LMX1B: variants seen among roughly 807,000 people sequenced by gnomAD.
LMX1B encodes the protein LIM homeobox transcription factor 1 beta, also known as LIM homeobox transcription factor 1-beta.
In LMX1B, 12 loss-of-function variants were observed where a neutral mutation model predicts 51.4. The ratio of observed to expected loss-of-function variants is 0.23; its 90% CI spans 0.15 to 0.38. The LOEUF is 0.38. Ranked by LOEUF, LMX1B falls within the 10% of genes least tolerant of loss-of-function variation. The pLI, the probability that LMX1B is intolerant of heterozygous loss-of-function variation, is 1.00. For missense variants in LMX1B, 445 were observed against 571.1 expected (o/e 0.78, Z 2.25); for synonymous variants, 237 against 235.4 (o/e 1.01, Z -0.06).
intron 2 of LMX1B, among the ~76,000 whole-genome samples, chr9:126,630,079 G>A (rs997535150): frequency 2.7e-5 from 4 of 150,346 alleles, no homozygotes; most frequent in Non-Finnish European, 4.4e-5. Context: ...GGAGAATGGC[G>A]TGAACCCGGG....
At position 126,618,489 on chromosome 9, in the gene LMX1B, A is replaced by C. The variant is rs1051391204; in HGVS notation, c.326+2920A>C. 3.9e-5 allele frequency among the ~76,000 whole-genome samples: 6 copies of C among 152,162 alleles called. No homozygotes were observed. The highest frequency in any genetic ancestry group is 1.4e-4 in the African/African-American group (6 of 41,434). ...TTGGGCATTTTCACTCTTAACTCCA[A>C]AAGTCTCCTTTTTCCCCATGTGTGA... On this transcript the variant is annotated intron_variant, in intron 2 of 7. Coordinates refer to ENST00000373474, the MANE Select transcript of LMX1B (RefSeq NM_001174147.2). This position sits in a 1 kb window ranked among gnomAD's most constrained non-coding sequence, Gnocchi z 4.5.
chr9:126,696,313 T>C lies in LMX1B; in HGVS notation c.1071T>C (p.His357=), dbSNP rs1335550993. 1.2e-6 allele frequency: 2 copies of C among 1,613,908 alleles called. No individual in the cohort carries two copies. The highest frequency in any genetic ancestry group is 8.5e-7 in the Non-Finnish European group (1 of 1,179,958). ...MNPYGNDSIF[H]DIDSDTSLTS... is the part of the protein sequence containing the mutation. ...CCCCAGGGAACGACTCCATCTTCCA[T>C]GACATCGACAGCGATACCTCCTTAA... The change falls in exon 8 of 8, where the codon CAT becomes CAC. Residue 357 remains histidine, a synonymous_variant. Coordinates refer to ENST00000373474, the MANE Select transcript of LMX1B (RefSeq NM_001174147.2).
At chr9:126,678,518 C>A (rs1453892368) in intron 2 of LMX1B, among the ~76,000 whole-genome samples, 3 of 152,192 alleles carry the variant, frequency 2.0e-5, no homozygotes, top group Non-Finnish European at 4.4e-5. Flanking sequence ...ATGCTTTTTA[C>A]CCTGAGCATG....
intron 2 of LMX1B, among the ~76,000 whole-genome samples, chr9:126,631,050 G>A (rs1046616983): frequency 6.6e-6 from 1 of 152,232 alleles, no homozygotes; most frequent in East Asian, 1.9e-4. Context: ...GGTTCTAGTC[G>A]GCAGGCCTGG....
At chr9:126,691,235 G>A (rs2030119118) in intron 3 of LMX1B, among the ~76,000 whole-genome samples, 167 bp downstream of exon 3, 1 of 152,144 alleles carries the variant, frequency 6.6e-6, no homozygotes, top group Non-Finnish European at 1.5e-5. Context: ...GTCCACCTGT[G>A]TGCACATGAT....
At chr9:126,635,889 G>A (rs1027005996) in intron 2 of LMX1B, among the ~76,000 whole-genome samples, 5 of 152,214 alleles carry the variant, frequency 3.3e-5, no homozygotes, top group African/African-American at 1.2e-4. Context: ...CTTGCAGGCT[G>A]AGCCAGAACC....
chr9:126,696,031 C>T, intron 7 of LMX1B, 28 bp downstream of exon 7: 1 of 1,489,606 alleles, frequency 6.7e-7, no homozygotes, highest in Non-Finnish European at 8.9e-7. Flanking sequence ...CACCCGCCCG[C>T]CCCAGCACAG....
intron 2 of LMX1B, among the ~76,000 whole-genome samples, chr9:126,683,424 C>T (rs756481724): frequency 7.9e-5 from 12 of 152,196 alleles, no homozygotes; most frequent in Admixed American, 2.0e-4. Context: ...ATGATAAGGA[C>T]GCGGCAGGCA....
chr9:126,614,993 G>A (rs777999002), intron 1 of LMX1B, among the ~76,000 whole-genome samples: 27 of 152,252 alleles, frequency 1.8e-4, no homozygotes, highest in Admixed American at 1.2e-3. Flanking sequence ...GGGAGATCGG[G>A]GATAGAAGAC....
chr9:126,696,016 A>ACCGGGGGGCCCCCC lies in LMX1B; in HGVS notation c.1051+15_1051+16insGGGGGGCCCCCCCC. ...ATGAACCCCTATGGTAAGCCGCCCT[A>ACCGGGGGGCCCCCC]CCCCCACCCGCCCGCCCCAGCACAG... On this transcript the variant is annotated intron_variant, in intron 7 of 7. Coordinates refer to ENST00000373474, the MANE Select transcript of LMX1B (RefSeq NM_001174147.2). 6.6e-7 allele frequency: 1 copy of ACCGGGGGGCCCCCC among 1,512,704 alleles called. No homozygotes were observed. The highest frequency in any genetic ancestry group is 8.8e-7 in the Non-Finnish European group (1 of 1,131,798). The allele number at this position is 1,512,704 out of a possible 1,614,324, so 93.7% of individuals were successfully genotyped here.
At chr9:126,617,656 T>A (rs1205615388) in intron 2 of LMX1B, among the ~76,000 whole-genome samples, 1 of 151,984 alleles carries the variant, frequency 6.6e-6, no homozygotes, top group Non-Finnish European at 1.5e-5. Context: ...GTATATTTGT[T>A]TTAAAAAGAA....
At chr9:126,660,877 C>G (rs1836230864) in intron 2 of LMX1B, among the ~76,000 whole-genome samples, 1 of 152,188 alleles carries the variant, frequency 6.6e-6, no homozygotes, top group Non-Finnish European at 1.5e-5. Flanking sequence ...AATGATGAAA[C>G]AGGCAGTGAC....
At chr9:126,656,434 GATA>G (rs1836118993) in intron 2 of LMX1B, among the ~76,000 whole-genome samples, 1 of 147,252 alleles carries the variant, frequency 6.8e-6, no homozygotes, top group Non-Finnish European at 1.5e-5. Context: ...TAGATAGATA[GATA>G]GGATAGATAG....
intron 3 of LMX1B, among the ~76,000 whole-genome samples, chr9:126,692,879 C>T (rs531540278): frequency 1.3e-5 from 2 of 152,324 alleles, no homozygotes; most frequent in South Asian, 4.1e-4. Flanking sequence ...CAGGTGTGCC[C>T]TGCGGCCCAG....
Position 126,691,016 on chromosome 9 carries a change from C to A in LMX1B, c.507C>A (p.Tyr169Ter). Residue 169 changes from tyrosine (Y) to a stop codon, truncating the protein, a stop_gained, in exon 3 of 8, where the codon TAC becomes TAA. Coordinates refer to ENST00000373474, the MANE Select transcript of LMX1B (RefSeq NM_001174147.2). LOFTEE classifies it high-confidence loss of function. ...KEGQLLCKGD[Y>*]EKEKDLLSSV... is the part of the protein sequence containing the mutation. ...GCCAGCTGCTGTGCAAGGGTGACTACGAGAAGGAGAAGGACCTGCTCAGCT... is the reference window on the plus strand; with the variant it reads ...GCCAGCTGCTGTGCAAGGGTGACTAAGAGAAGGAGAAGGACCTGCTCAGCT... The A allele has an allele frequency of 6.2e-7, 1 of 1,613,982 alleles. No homozygotes were observed. The highest frequency in any genetic ancestry group is 8.5e-7 in the Non-Finnish European group (1 of 1,179,954).
chr9:126,676,165 T>C (rs1423207560), intron 2 of LMX1B, among the ~76,000 whole-genome samples: 1 of 151,484 alleles, frequency 6.6e-6, no homozygotes, highest in African/African-American at 2.4e-5. Flanking sequence ...CTCGCAACCC[T>C]CTGCACCTTT....
rs894359562 is a variant in LMX1B at position 126,696,075 on chromosome 9, G to T, written c.1051+72G>T. 9 of 1,360,664 alleles carry T rather than the reference G, an allele frequency of 6.6e-6. No individual in the cohort carries two copies. The African/African-American group carries it at 1.2e-4, about 18-fold the overall frequency. The allele number at this position is 1,360,664 out of a possible 1,614,324, so 84.3% of individuals were successfully genotyped here. A position where few individuals can be genotyped will look rare whatever the true frequency, so the allele number is the denominator to read the frequency against. On this transcript the variant is annotated intron_variant, in intron 7 of 7. Coordinates refer to ENST00000373474, the MANE Select transcript of LMX1B (RefSeq NM_001174147.2). ...CCCTGCCAGGCCAGGCAGGCCTGGGGCCAGGACAGCCACCTGCTGCCCTAG... is the reference window on the plus strand; with the variant it reads ...CCCTGCCAGGCCAGGCAGGCCTGGGTCCAGGACAGCCACCTGCTGCCCTAG...
rs1836449851 is a variant in LMX1B at position 126,671,475 on chromosome 9, C to A, written c.327-19361C>A. Reference sequence around the variant, plus strand: ...GAGCAGAGCTCAGACTGCAGAGTGGCTGGGTAAATAGTCGCCGCAGTAATC... The same window carrying A: ...GAGCAGAGCTCAGACTGCAGAGTGGATGGGTAAATAGTCGCCGCAGTAATC... On this transcript the variant is annotated intron_variant, in intron 2 of 7. Coordinates refer to ENST00000373474, the MANE Select transcript of LMX1B (RefSeq NM_001174147.2). The surrounding 1 kb of genome is among the most constrained non-coding windows in gnomAD (Gnocchi z 4.4). 6.6e-6 allele frequency among the ~76,000 whole-genome samples: 1 copy of A among 152,050 alleles called. No individual in the cohort carries two copies. The highest frequency in any genetic ancestry group is 2.4e-5 in the African/African-American group (1 of 41,408).
intron 4 of LMX1B, 39 bp downstream of exon 4, chr9:126,693,362 C>G (rs1189972911): frequency 6.4e-7 from 1 of 1,572,506 alleles, no homozygotes; most frequent in South Asian, 1.1e-5. Context: ...GGCTGATGCC[C>G]GCACACCCAC....
Sources: allele counts gnomAD v4.1 joint callset (sites outside exome capture counted in the v4.1 genomes callset), GRCh38; gene constraint gnomAD v4.1.1; non-coding constraint Gnocchi (gnomAD v3.1); transcripts MANE v1.5; gene names NCBI Gene and HGNC (gene_info 2026-07-23, HGNC 2026-07-21).